The following CRPPA variants were observed in gnomAD, a reference collection of about 807,000 sequenced individuals.
CRPPA encodes CDP-L-ribitol pyrophosphorylase A, also known as D-ribitol-5-phosphate cytidylyltransferase.
A neutral mutation model predicts 52.0 loss-of-function variants in CRPPA; 43 were observed. The observed-to-expected ratio is 0.83, with a 90% CI of 0.65 to 1.07. The LOEUF (loss-of-function observed/expected upper bound fraction) is 1.07. Among genes scored for constraint, CRPPA ranks in the 50% least tolerant of loss-of-function variants. CRPPA has a pLI of 0.00. For missense variants in CRPPA, 629 were observed against 551.7 expected, an observed-to-expected ratio of 1.14 and a Z score of -1.40; for synonymous variants, 250 against 203.5, an observed-to-expected ratio of 1.23 and a Z score of -1.94.
At position 16,313,619 on chromosome 7, in the gene CRPPA, A is replaced by G. The variant is rs114672375; in HGVS notation, c.685-4992T>C. On this transcript the variant is annotated intron_variant, in intron 3 of 9. Transcript: ENST00000407010. The stretch of plus-strand genomic sequence containing the variant: ...CTAGTTTCCTAAAATGGAAGCCTAC[A>G]TGACTGATTTTAGGTCTTTCTTTTT... Among the ~76,000 whole-genome samples, 289 of 152,044 alleles carry G rather than the reference A, an allele frequency of 1.9e-3. 1 individual carries two copies. The highest frequency in any genetic ancestry group is 6.6e-3 in the African/African-American group (276 of 41,534).
intron 3 of CRPPA, among the ~76,000 whole-genome samples, chr7:16,349,925 T>G (rs4529354): frequency 6.6e-6 from 1 of 151,782 alleles, no homozygotes; most frequent in Non-Finnish European, 1.5e-5. Flanking sequence ...CTAAATAAGA[T>G]GAATCCAAAG....
intron 5 of CRPPA, among the ~76,000 whole-genome samples, chr7:16,286,310 C>A (rs1399111289): frequency 7.2e-6 from 1 of 138,876 alleles, no homozygotes; most frequent in Non-Finnish European, 1.6e-5. Flanking sequence ...TATAGTAAGC[C>A]TCATCCAATC....
intron 9 of CRPPA, among the ~76,000 whole-genome samples, chr7:16,192,853 T>A (rs538805310): frequency 1.5e-4 from 23 of 152,266 alleles, no homozygotes; most frequent in Admixed American, 1.4e-3. Context: ...CTTGACACCT[T>A]TGTCAAAAAT....
At chr7:16,372,693 A>G (rs60255112) in intron 3 of CRPPA, among the ~76,000 whole-genome samples, 23,930 of 152,196 alleles carry the variant, frequency 0.16, 2,172 homozygotes, top group Admixed American at 0.2. Flanking sequence ...TCACATCTCA[A>G]TAGTAACATT....
At position 16,421,295 on chromosome 7, in the gene CRPPA, TG is replaced by T; in HGVS notation, c.27del (p.Arg10GlyfsTer9). On this transcript the variant is annotated frameshift_variant, in exon 1 of 10. Transcript: ENST00000407010. LOFTEE classifies it high-confidence loss of function. Reference protein sequence around the residue: MEAGPPGSARPAEPGPCLS... With the variant: MEAGPPGSXRPAEPGPCLS... ...AGGCAAGGACCCGGCTCCGCCGGCC[TG>T]GCGCTGCCCGGCGGCCCGGCCTCCA... The T allele has an allele frequency of 7.9e-7, 1 of 1,267,952 alleles. No individual in the cohort carries two copies. The highest frequency in any genetic ancestry group is 3.1e-5 in the South Asian group (1 of 32,386). The allele number at this position is 1,267,952 out of a possible 1,614,324, so 78.5% of individuals were successfully genotyped here. A position where few individuals can be genotyped will look rare whatever the true frequency, so the allele number is the denominator to read the frequency against.
chr7:16,173,805 G>C lies in CRPPA; in HGVS notation c.1251+42261C>G, dbSNP rs1375254987. On this transcript the variant is annotated intron_variant, in intron 9 of 9. Transcript: ENST00000407010. ...TTGAGATATACCACGCCACTGAATA[G>C]AATATTAACAGCCATGATCTACAAG... Among the ~76,000 whole-genome samples the C allele has an allele frequency of 3.9e-5, 6 of 152,214 alleles. No individual in the cohort carries two copies. The East Asian group carries it at 1.2e-3, about 29-fold the overall frequency.
chr7:16,096,199 G>A (rs1184523823), intron 9 of CRPPA, among the ~76,000 whole-genome samples: 1 of 151,876 alleles, frequency 6.6e-6, no homozygotes, highest in Non-Finnish European at 1.5e-5. Flanking sequence ...AAATAATCTT[G>A]AGCTTTTATA....
chr7:16,219,905 T>C (rs1345478517), intron 8 of CRPPA, among the ~76,000 whole-genome samples: 1 of 148,640 alleles, frequency 6.7e-6, no homozygotes, highest in Non-Finnish European at 1.5e-5. Context: ...ACTATTCCAA[T>C]CAACAGAAAA....
chr7:16,090,278 G>A lies in CRPPA; in HGVS notation c.*1417C>T, dbSNP rs1450523000. On this transcript the variant is annotated 3_prime_UTR_variant, in exon 10 of 10. Transcript: ENST00000407010. Reference sequence around the variant, plus strand: ...CTATATATATACTTGAACACTAGAGGGAAAATCACCCAACATGTTAAATAA... The same window carrying A: ...CTATATATATACTTGAACACTAGAGAGAAAATCACCCAACATGTTAAATAA... 2 of 151,892 alleles carry A rather than the reference G, an allele frequency of 1.3e-5. No individual in the cohort carries two copies. Among genetic ancestry groups the A allele is most frequent in the African/African-American group, 4.8e-5 (2 of 41,336 alleles). The allele number at this position is 151,892 out of a possible 1,614,324, so 9.4% of individuals were successfully genotyped here.
intron 9 of CRPPA, among the ~76,000 whole-genome samples, chr7:16,093,369 G>A (rs1781875857): frequency 6.6e-6 from 1 of 151,998 alleles, no homozygotes; most frequent in Non-Finnish European, 1.5e-5. Context: ...CTAAAGCCTG[G>A]CAATAGTACA....
rs117521748 is a variant in CRPPA, at chr7:16,312,509, C to T, written c.685-3882G>A. On this transcript the variant is annotated intron_variant, in intron 3 of 9. Transcript: ENST00000407010. The stretch of plus-strand genomic sequence containing the variant: ...CTTAATTCCATAACTTCTGTCAATG[C>T]TTTCAGATTTCCCATACAGACAATC... Among the ~76,000 whole-genome samples the T allele has an allele frequency of 5.1e-3, 781 of 152,110 alleles. 4 individuals are homozygous for T. The highest frequency in any genetic ancestry group is 8.5e-3 in the Admixed American group (129 of 15,260).
intron 9 of CRPPA, among the ~76,000 whole-genome samples, chr7:16,203,090 T>C (rs1781894276): frequency 6.6e-6 from 1 of 152,224 alleles, no homozygotes; most frequent in African/African-American, 2.4e-5. Context: ...AGCTGCGCTT[T>C]AAGGTCCCCT....
rs552540737 is a variant in CRPPA, at chr7:16,316,500, T to C, written c.685-7873A>G. 2.9e-4 allele frequency among the ~76,000 whole-genome samples: 44 copies of C among 152,278 alleles called. No homozygotes were observed. The Middle Eastern group carries it at 0.02, about 71-fold the overall frequency. The stretch of plus-strand genomic sequence containing the variant: ...TTTGTTCCTGAACATATATATGGTT[T>C]TGTTCCTGAACATATAGATTTAATC... On this transcript the variant is annotated intron_variant, in intron 3 of 9. Transcript: ENST00000407010.
At chr7:16,362,838 T>C (rs1786492761) in intron 3 of CRPPA, among the ~76,000 whole-genome samples, 1 of 152,198 alleles carries the variant, frequency 6.6e-6, no homozygotes. Context: ...CTTCCTTTTT[T>C]TGGCTTGATA....
intron 8 of CRPPA, among the ~76,000 whole-genome samples, chr7:16,251,461 G>C (rs987352072): frequency 6.6e-6 from 1 of 152,046 alleles, no homozygotes; most frequent in Non-Finnish European, 1.5e-5. Flanking sequence ...CTCTAAAATT[G>C]ACCACATAAT....
intron 9 of CRPPA, among the ~76,000 whole-genome samples, chr7:16,144,843 G>A (rs147645189): frequency 3.9e-4 from 59 of 152,278 alleles, no homozygotes; most frequent in African/African-American, 1.3e-3. Context: ...TGGTCCTCTA[G>A]CTGCGCTGTC....
At chr7:16,111,418 G>A (rs1782262142) in intron 9 of CRPPA, among the ~76,000 whole-genome samples, 1 of 152,100 alleles carries the variant, frequency 6.6e-6, no homozygotes, top group South Asian at 2.1e-4. Context: ...TCCCACTTCT[G>A]GATATCTACC....
intron 3 of CRPPA, among the ~76,000 whole-genome samples, chr7:16,345,454 T>C (rs1785988867): frequency 6.6e-6 from 1 of 152,118 alleles, no homozygotes; most frequent in Non-Finnish European, 1.5e-5. Context: ...TAAATATAAA[T>C]GATCATATAA....
intron 9 of CRPPA, among the ~76,000 whole-genome samples, chr7:16,116,675 A>AAGAAAGGAAAGGGAAGGGAAG (rs6150004): frequency 3.1e-5 from 3 of 96,642 alleles, no homozygotes. Flanking sequence ...AAAAAAAAAA[A>AAGAAAGGAAAGGGAAGGGAAG]GGAAAGGAAA....
Sources: gnomAD v4.1 joint callset for allele counts (sites outside exome capture counted in the v4.1 genomes callset) on GRCh38, gnomAD v4.1.1 for gene constraint, MANE v1.5 for transcripts, NCBI Gene and HGNC (gene_info 2026-07-23, HGNC 2026-07-21) for gene names.